Variants in FBXL20 observed in about 807,000 individuals in gnomAD.
The protein encoded by FBXL20 is F-box and leucine rich repeat protein 20.
FBXL20 carries 11 observed loss-of-function variants against 64.0 expected under a neutral mutation model. The observed-to-expected ratio is 0.17, with a 90% CI of 0.11 to 0.28. The LOEUF is 0.28. Among genes scored for constraint, FBXL20 ranks in the 10% least tolerant of loss-of-function variants. The probability of loss-of-function intolerance (pLI) is 1.00; values close to 1 mark genes in which losing one functional copy is unlikely to be tolerated. For synonymous variants in FBXL20, 184 were observed against 189.0 expected (o/e 0.97, Z 0.22); for missense variants, 303 against 526.2 (o/e 0.58, Z 4.15).
chr17:39,347,393 G>C (rs1030694593), intron 1 of FBXL20, among the ~76,000 whole-genome samples: 2 of 152,204 alleles, frequency 1.3e-5, no homozygotes, highest in African/African-American at 4.8e-5. Context: ...TAACTGGTGT[G>C]AGATGGTATC....
At chr17:39,374,189 C>T (rs1438502004) in intron 1 of FBXL20, among the ~76,000 whole-genome samples, 1 of 150,854 alleles carries the variant, frequency 6.6e-6, no homozygotes, top group Non-Finnish European at 1.5e-5. Flanking sequence ...CACGGCACTG[C>T]ACACTAGCCT....
upstream of FBXL20, chr17:39,402,324 A>G (rs1468934151): frequency 1.7e-5 from 13 of 777,312 alleles, no homozygotes; most frequent in African/African-American, 1.3e-4. Flanking sequence ...GCCCCAGTGC[A>G]TTACATTACG....
chr17:39,334,290 T>C (rs920564743), intron 2 of FBXL20, among the ~76,000 whole-genome samples: 8 of 152,150 alleles, frequency 5.3e-5, no homozygotes, highest in Admixed American at 4.6e-4. Context: ...TTAAGAGTCA[T>C]CACCACTCCC....
chr17:39,379,170 G>A (rs1394975246), intron 1 of FBXL20, among the ~76,000 whole-genome samples: 12 of 149,800 alleles, frequency 8.0e-5, no homozygotes, highest in Admixed American at 8.0e-4. Context: ...AGGTTGTGGT[G>A]AGCCGACTCC....
At chr17:39,263,198 T>C (rs780697568) in intron 14 of FBXL20, among the ~76,000 whole-genome samples, 7 of 150,190 alleles carry the variant, frequency 4.7e-5, no homozygotes, top group South Asian at 2.1e-4. Flanking sequence ...CTGGGAAACA[T>C]AGCAAGACCT....
At chr17:39,351,806 G>A (rs140920902) in intron 1 of FBXL20, among the ~76,000 whole-genome samples, 303 of 152,220 alleles carry the variant, frequency 2.0e-3, no homozygotes, top group African/African-American at 7.2e-3. Context: ...ACCTAAACAT[G>A]CAAGCAGACA....
chr17:39,351,121 G>C (rs1431311652), intron 1 of FBXL20, among the ~76,000 whole-genome samples: 1 of 151,992 alleles, frequency 6.6e-6, no homozygotes, highest in African/African-American at 2.4e-5. Flanking sequence ...GATCACATGA[G>C]GTCAGGAGTT....
chr17:39,337,602 C>T (rs1238937873), intron 2 of FBXL20, among the ~76,000 whole-genome samples: 3 of 151,234 alleles, frequency 2.0e-5, no homozygotes, highest in Admixed American at 6.6e-5. Flanking sequence ...GCCGCGACCC[C>T]GTCTGGGAGG....
Position 39,303,650 on chromosome 17 carries a change from AAGAG to A in FBXL20, c.105-15_105-12del, listed in dbSNP as rs746642764. On this transcript the variant is annotated splice_polypyrimidine_tract_variant and intron_variant, in intron 2 of 14. Transcript: ENST00000264658. ...AGAAAAGAAAATATCCTAAAAAGAA[AAGAG>A]AGAAAGACAAATTTTATTGTATGAT... 68 of 1,602,440 alleles carry A rather than the reference AAGAG, an allele frequency of 4.2e-5. No homozygotes were observed. The highest frequency in any genetic ancestry group is 5.5e-5 in the Non-Finnish European group (65 of 1,173,974).
chr17:39,308,263 T>TTG (rs1555606991), intron 2 of FBXL20, among the ~76,000 whole-genome samples: 2 of 151,760 alleles, frequency 1.3e-5, no homozygotes, highest in Non-Finnish European at 2.9e-5. Context: ...CAGGCGTGTG[T>TTG]CACCACACCT....
rs1180857636 is a variant in FBXL20, at chr17:39,255,673, GTC to G, written c.*5785_*5786del. 1 of 151,478 alleles carries G rather than the reference GTC, an allele frequency of 6.6e-6. No individual in the cohort carries two copies. Among genetic ancestry groups the G allele is most frequent in the Non-Finnish European group, 1.5e-5 (1 of 67,916 alleles). The allele number at this position is 151,478 out of a possible 1,614,324, so 9.4% of individuals were successfully genotyped here. A position where few individuals can be genotyped will look rare whatever the true frequency, so the allele number is the denominator to read the frequency against. On this transcript the variant is annotated 3_prime_UTR_variant, in exon 15 of 15. Coordinates refer to ENST00000264658, the MANE Select transcript of FBXL20 (RefSeq NM_032875.3). ...AGCCTGACCAACATGGTGAAACCCC[GTC>G]TCTACTAAAAATACAAATTTTGCCG...
intron 2 of FBXL20, among the ~76,000 whole-genome samples, chr17:39,317,689 GTTTTTTTTTTTGTTTTTTT>G (rs1815448830): frequency 4.2e-5 from 2 of 47,146 alleles, no homozygotes; most frequent in Admixed American, 2.3e-4. Flanking sequence ...TTTTTTTTTT[GTTTTTTTTTTTGTTTTTTT>G]TTTTTTTTTT....
chr17:39,271,260 T>A (rs2046840780), intron 10 of FBXL20, among the ~76,000 whole-genome samples: 1 of 152,164 alleles, frequency 6.6e-6, no homozygotes, highest in Non-Finnish European at 1.5e-5. Context: ...TTATTTTCTT[T>A]CCTGTTTTAG....
chr17:39,285,457 T>A (rs775738707), intron 7 of FBXL20, 21 bp downstream of exon 7: 1 of 1,506,354 alleles, frequency 6.6e-7, no homozygotes, highest in South Asian at 1.3e-5. Flanking sequence ...TTACTTGACA[T>A]GCTTATTATA....
intron 1 of FBXL20, among the ~76,000 whole-genome samples, chr17:39,350,779 G>A (rs570208761): frequency 2.0e-5 from 3 of 152,278 alleles, no homozygotes; most frequent in South Asian, 4.1e-4. Flanking sequence ...CCCTGAGCAG[G>A]AGTATCAGCA....
At chr17:39,371,337 C>T (rs1166904052) in intron 1 of FBXL20, among the ~76,000 whole-genome samples, 1 of 152,042 alleles carries the variant, frequency 6.6e-6, no homozygotes, top group Non-Finnish European at 1.5e-5. Context: ...CCTGTTAATG[C>T]ATAAATATAT....
chr17:39,315,077 T>C (rs2024073), intron 2 of FBXL20, among the ~76,000 whole-genome samples: 1 of 151,698 alleles, frequency 6.6e-6, no homozygotes, highest in Non-Finnish European at 1.5e-5. Flanking sequence ...GATTACAGGG[T>C]TGGGCTACTG....
intron 5 of FBXL20, among the ~76,000 whole-genome samples, chr17:39,298,782 G>A (rs901736748): frequency 6.6e-6 from 1 of 152,056 alleles, no homozygotes; most frequent in Non-Finnish European, 1.5e-5. Flanking sequence ...AACCACTTAT[G>A]ATGGGGAATC....
In FBXL20 at chr17:39,260,987, C is replaced by T. The variant is rs987864698; in HGVS notation, c.*473G>A. ...CTCTTTAGTCACAATGAATGTCTACCATTTCTAAGATGCAAAGAAATTTTC... is the reference window on the plus strand; with the variant it reads ...CTCTTTAGTCACAATGAATGTCTACTATTTCTAAGATGCAAAGAAATTTTC... On this transcript the variant is annotated 3_prime_UTR_variant, in exon 15 of 15. Coordinates refer to ENST00000264658, the MANE Select transcript of FBXL20 (RefSeq NM_032875.3). The T allele has an allele frequency of 1.3e-5, 2 of 158,448 alleles. No homozygotes were observed. Among genetic ancestry groups the T allele is most frequent in the Non-Finnish European group, 2.8e-5 (2 of 71,224 alleles). 9.8% of individuals were successfully genotyped at this position (158,448 alleles called of 1,614,324 possible). A position where few individuals can be genotyped will look rare whatever the true frequency, so the allele number is the denominator to read the frequency against.
Sources: allele counts gnomAD v4.1 joint callset (sites outside exome capture counted in the v4.1 genomes callset), GRCh38; gene constraint gnomAD v4.1.1; transcripts MANE v1.5; gene names NCBI Gene and HGNC (gene_info 2026-07-23, HGNC 2026-07-21).